Variants in METTL15 observed in about 807,000 individuals in gnomAD.
METTL15 encodes the protein methyltransferase 15, mitochondrial 12S rRNA N4-cytidine, also known as 12S rRNA N(4)-cytidine methyltransferase METTL15.
METTL15 carries 34 observed loss-of-function variants against 38.3 expected under a neutral mutation model. The observed-to-expected ratio is 0.89, with a 90% CI of 0.68 to 1.18. The LOEUF (loss-of-function observed/expected upper bound fraction) is 1.18, where lower values mean the gene tolerates loss of function less well. Among genes scored for constraint, METTL15 ranks in the 50% most tolerant of loss-of-function variants. The probability of loss-of-function intolerance (pLI) is 0.00; values close to 1 mark genes in which losing one functional copy is unlikely to be tolerated. For synonymous variants in METTL15, 162 were observed against 170.9 expected (o/e 0.95, Z 0.41); for missense variants, 438 against 498.4 (o/e 0.88, Z 1.15).
chr11:28,408,961 A>G lies in METTL15; in HGVS notation c.*359-15338A>G, dbSNP rs768248829. ...TGGACTTGAATTACACTTTAGGCCA[A>G]ATGGGCCTAACAAACATATAGAATT... On this transcript the variant is annotated intron_variant and NMD_transcript_variant, in intron 5 of 7. Coordinates refer to the METTL15 transcript ENST00000532947. 5.3e-5 allele frequency among the ~76,000 whole-genome samples: 8 copies of G among 152,336 alleles called. No individual in the cohort carries two copies. In the South Asian group the frequency reaches 1.2e-3, roughly 24 times the overall value.
chr11:28,220,356 G>A (rs914065626), intron 4 of METTL15, among the ~76,000 whole-genome samples: 2 of 152,088 alleles, frequency 1.3e-5, no homozygotes, highest in Non-Finnish European at 2.9e-5. Flanking sequence ...GGTTTAAAGT[G>A]TGTTTTATCA....
At chr11:28,325,431 A>G (rs1391985013) in intron 6 of METTL15, among the ~76,000 whole-genome samples, 1 of 152,180 alleles carries the variant, frequency 6.6e-6, no homozygotes, top group Non-Finnish European at 1.5e-5. Flanking sequence ...CACAGGCTTT[A>G]TACATAAGTT....
chr11:28,181,706 G>A (rs1173918313), intron 3 of METTL15, among the ~76,000 whole-genome samples: 2 of 116,064 alleles, frequency 1.7e-5, no homozygotes, highest in Admixed American at 1.1e-4. Context: ...GAATAGTGCT[G>A]CAATAAACAT....
chr11:28,310,816 G>A (rs1857249227), intron 6 of METTL15, among the ~76,000 whole-genome samples: 1 of 151,504 alleles, frequency 6.6e-6, no homozygotes, highest in Non-Finnish European at 1.5e-5. Flanking sequence ...TCTTCCACCT[G>A]GAAAAAAATC....
chr11:28,250,929 G>A (rs952349674), intron 4 of METTL15, among the ~76,000 whole-genome samples: 2 of 151,966 alleles, frequency 1.3e-5, no homozygotes, highest in African/African-American at 4.8e-5. Flanking sequence ...GGCTGGGGGT[G>A]TAAGAGAAGA....
At chr11:28,161,357 T>G (rs1397201896) in intron 3 of METTL15, among the ~76,000 whole-genome samples, 1 of 151,990 alleles carries the variant, frequency 6.6e-6, no homozygotes, top group Non-Finnish European at 1.5e-5. Context: ...TGGCCTCAAG[T>G]GATCCACCTG....
At chr11:28,476,735 T>A (rs2133468835) in intron 6 of METTL15, among the ~76,000 whole-genome samples, 1 of 152,284 alleles carries the variant, frequency 6.6e-6, no homozygotes, top group South Asian at 2.1e-4. Context: ...GATGTGAGGA[T>A]CTGACTTCAG....
intron 3 of METTL15, among the ~76,000 whole-genome samples, chr11:28,147,857 C>A (rs1445338010): frequency 6.6e-6 from 1 of 151,798 alleles, no homozygotes; most frequent in Non-Finnish European, 1.5e-5. Flanking sequence ...CTGACAAACT[C>A]TTTTTTACTT....
chr11:28,530,221 CAG>C (rs1390555584), downstream of METTL15, among the ~76,000 whole-genome samples: 1 of 152,026 alleles, frequency 6.6e-6, no homozygotes, highest in Non-Finnish European at 1.5e-5. Context: ...AAGAGAGAGA[CAG>C]AGAGAGAGAA....
At chr11:28,503,075 C>T (rs922412064) in intron 6 of METTL15, among the ~76,000 whole-genome samples, 2 of 152,182 alleles carry the variant, frequency 1.3e-5, no homozygotes, top group Admixed American at 6.5e-5. Flanking sequence ...TCCACATTGT[C>T]CTTGAACGCC....
At chr11:28,159,983 A>AT (rs1299844654) in intron 3 of METTL15, among the ~76,000 whole-genome samples, 4 of 152,056 alleles carry the variant, frequency 2.6e-5, no homozygotes, top group Non-Finnish European at 5.9e-5. Context: ...GGAGATTAGC[A>AT]TTTGAGTCGG....
chr11:28,235,395 G>A (rs1182922365), intron 4 of METTL15, among the ~76,000 whole-genome samples: 60 of 151,924 alleles, frequency 3.9e-4, no homozygotes, highest in Middle Eastern at 3.4e-3. Context: ...ATTACCTTGG[G>A]CAGTATGGCC....
intron 4 of METTL15, among the ~76,000 whole-genome samples, chr11:28,262,507 A>C (rs755541347): frequency 1.3e-5 from 2 of 151,972 alleles, no homozygotes; most frequent in Non-Finnish European, 2.9e-5. Flanking sequence ...GAAGTAATGA[A>C]AGATGGCATA....
At chr11:28,213,164 T>G (rs1852713102) in intron 4 of METTL15, among the ~76,000 whole-genome samples, 2 of 152,090 alleles carry the variant, frequency 1.3e-5, no homozygotes, top group South Asian at 4.1e-4. Flanking sequence ...TTTACTTCAC[T>G]GACAAAATGA....
chr11:28,369,632 T>C (rs1850223267), intron 5 of METTL15, among the ~76,000 whole-genome samples: 1 of 152,116 alleles, frequency 6.6e-6, no homozygotes, highest in South Asian at 2.1e-4. Flanking sequence ...TGGGGTTATA[T>C]AATCAAGGTG....
chr11:28,386,270 TA>T (rs1360138644), intron 5 of METTL15, among the ~76,000 whole-genome samples: 3 of 152,044 alleles, frequency 2.0e-5, no homozygotes, highest in East Asian at 3.9e-4. Context: ...GTAATTACTT[TA>T]AATGTAAATA....
At chr11:28,425,631 T>C (rs906052707) in intron 6 of METTL15, among the ~76,000 whole-genome samples, 2 of 152,168 alleles carry the variant, frequency 1.3e-5, no homozygotes, top group African/African-American at 4.8e-5. Flanking sequence ...GTTCCCGTAC[T>C]AAGTGCTCTC....
chr11:28,371,411 G>A (rs971818233), intron 5 of METTL15, among the ~76,000 whole-genome samples: 7 of 151,916 alleles, frequency 4.6e-5, no homozygotes, highest in Non-Finnish European at 7.4e-5. Context: ...CCAGTACCAT[G>A]CTTATTTGTT....
intron 4 of METTL15, among the ~76,000 whole-genome samples, chr11:28,212,704 A>G (rs1399918455): frequency 6.6e-6 from 1 of 152,190 alleles, no homozygotes; most frequent in Non-Finnish European, 1.5e-5. Flanking sequence ...AGAAGAAAAA[A>G]GTTTTGTACA....
Sources: allele counts gnomAD v4.1 joint callset (sites outside exome capture counted in the v4.1 genomes callset), GRCh38; gene constraint gnomAD v4.1.1; transcripts MANE v1.5; gene names NCBI Gene and HGNC (gene_info 2026-07-23, HGNC 2026-07-21).